The following AGBL1 variants were observed in gnomAD, a reference collection of about 807,000 sequenced individuals.
The protein encoded by AGBL1 is AGBL carboxypeptidase 1.
Under a neutral mutation model 118.9 loss-of-function variants are expected in AGBL1, and 130 were observed. The ratio of observed to expected loss-of-function variants is 1.09; its 90% CI spans 0.95 to 1.26. AGBL1 has a LOEUF of 1.26. AGBL1 is among the 50% of genes most tolerant of loss of function. The pLI is 0.00. For synonymous variants in AGBL1, 555 were observed against 478.9 expected (o/e 1.16, Z -2.08); for missense variants, 1,584 against 1,298.1 (o/e 1.22, Z -3.38).
chr15:86,415,021 G>A (rs2081671102), intron 18 of AGBL1, among the ~76,000 whole-genome samples: 1 of 152,154 alleles, frequency 6.6e-6, no homozygotes, highest in South Asian at 2.1e-4. Flanking sequence ...AGAGCGTAAG[G>A]GAAGCTGGAT....
At chr15:86,272,650 G>A (rs563187859) in intron 15 of AGBL1, among the ~76,000 whole-genome samples, 10 of 152,204 alleles carry the variant, frequency 6.6e-5, no homozygotes, top group Admixed American at 2.6e-4. Context: ...AGATGGGAAA[G>A]GTCAAGAATC....
At chr15:86,493,793 C>T (rs2082812988) in intron 18 of AGBL1, among the ~76,000 whole-genome samples, 1 of 151,992 alleles carries the variant, frequency 6.6e-6, no homozygotes, top group Admixed American at 6.6e-5. Context: ...TTATGGTCTT[C>T]CACGAAAGAA....
At chr15:86,712,581 A>AG (rs2086577767) in intron 22 of AGBL1, among the ~76,000 whole-genome samples, 1 of 152,180 alleles carries the variant, frequency 6.6e-6, no homozygotes, top group Non-Finnish European at 1.5e-5. Context: ...GAGAAAAAAA[A>AG]TCCGCCTGTA....
chr15:86,421,015 A>C (rs1407603387), intron 18 of AGBL1, among the ~76,000 whole-genome samples: 1 of 152,206 alleles, frequency 6.6e-6, no homozygotes, highest in Admixed American at 6.5e-5. Context: ...GGGAGAATGG[A>C]ACCAAGTTGG....
chr15:86,094,349 A>G (rs753496430), intron 1 of AGBL1, among the ~76,000 whole-genome samples: 4 of 152,138 alleles, frequency 2.6e-5, no homozygotes, highest in Non-Finnish European at 4.4e-5. Context: ...TAAAACATTA[A>G]TATTTACTTG....
At chr15:87,015,039 G>A (rs1340325251) in intron 24 of AGBL1, among the ~76,000 whole-genome samples, 1 of 152,086 alleles carries the variant, frequency 6.6e-6, no homozygotes, top group Non-Finnish European at 1.5e-5. Context: ...GGGCCCTGAT[G>A]GAACAAACAG....
intron 18 of AGBL1, among the ~76,000 whole-genome samples, chr15:86,416,667 G>A (rs1039978156): frequency 3.3e-5 from 5 of 152,166 alleles, no homozygotes; most frequent in African/African-American, 1.2e-4. Flanking sequence ...GCCACTGAGA[G>A]ACTCAGCCAT....
chr15:86,219,268 A>C (rs761213087), intron 5 of AGBL1, among the ~76,000 whole-genome samples: 1 of 152,204 alleles, frequency 6.6e-6, no homozygotes, highest in Non-Finnish European at 1.5e-5. Context: ...TCCAAGAATG[A>C]CATTCAAGTT....
chr15:86,955,022 A>G (rs1389586213), intron 23 of AGBL1, among the ~76,000 whole-genome samples: 1 of 152,116 alleles, frequency 6.6e-6, no homozygotes, highest in Non-Finnish European at 1.5e-5. Flanking sequence ...CATACAGTAT[A>G]AGAATCCTAC....
intron 5 of AGBL1, among the ~76,000 whole-genome samples, chr15:86,196,393 G>C (rs1171890149): frequency 6.6e-6 from 1 of 152,148 alleles, no homozygotes; most frequent in Non-Finnish European, 1.5e-5. Context: ...TCCTTAAGAA[G>C]AGGAGTGGCC....
At chr15:86,211,016 T>C (rs1399200291) in intron 5 of AGBL1, among the ~76,000 whole-genome samples, 1 of 152,202 alleles carries the variant, frequency 6.6e-6, no homozygotes, top group African/African-American at 2.4e-5. Context: ...GGATGTCCTT[T>C]TGTTGATGTT....
chr15:86,862,551 C>G (rs918232016), intron 22 of AGBL1, among the ~76,000 whole-genome samples: 2 of 152,100 alleles, frequency 1.3e-5, no homozygotes, highest in African/African-American at 4.8e-5. Flanking sequence ...GGAAACCCAC[C>G]TCTACTAATA....
intron 22 of AGBL1, among the ~76,000 whole-genome samples, chr15:86,867,923 T>TGAACCC (rs2079656162): frequency 1.3e-5 from 2 of 152,138 alleles, no homozygotes; most frequent in African/African-American, 2.4e-5. Flanking sequence ...TATTTTATAA[T>TGAACCC]AGGGAATAAA....
intron 1 of AGBL1, among the ~76,000 whole-genome samples, chr15:86,112,459 A>T (rs1320158573): frequency 6.6e-6 from 1 of 152,258 alleles, no homozygotes; most frequent in Non-Finnish European, 1.5e-5. Flanking sequence ...ATTATTATCA[A>T]TGATTGAACA....
chr15:86,612,645 A>T (rs1428729141), intron 21 of AGBL1, among the ~76,000 whole-genome samples: 1 of 152,154 alleles, frequency 6.6e-6, no homozygotes, highest in Non-Finnish European at 1.5e-5. Context: ...TTACACCCAA[A>T]TATATTTCTT....
At chr15:87,010,759 A>G (rs1298992317) in intron 24 of AGBL1, among the ~76,000 whole-genome samples, 3 of 152,196 alleles carry the variant, frequency 2.0e-5, no homozygotes, top group African/African-American at 7.2e-5. Context: ...ATAGCCTATC[A>G]TGGGACTCCT....
rs1041333766 is a variant in AGBL1 at position 86,384,057 on chromosome 15, G to A, written c.2375-13309G>A. Among the ~76,000 whole-genome samples the A allele has an allele frequency of 7.2e-5, 11 of 152,222 alleles. No homozygotes were observed. In the South Asian group the frequency reaches 1.5e-3, roughly 20 times the overall value. On this transcript the variant is annotated intron_variant, in intron 17 of 22. Transcript: ENST00000614907. ...ATGAGTCTTCGTGGAGCATGTCACG[G>A]TCCCCTTCCCATCTCATTTTGGTGA...
At chr15:86,469,237 C>G (rs1336254419) in intron 18 of AGBL1, among the ~76,000 whole-genome samples, 3 of 152,174 alleles carry the variant, frequency 2.0e-5, no homozygotes, top group African/African-American at 7.2e-5. Context: ...TTGTCCATTT[C>G]CTTTTCCAAT....
At chr15:86,525,962 A>G (rs2083256973) in intron 19 of AGBL1, among the ~76,000 whole-genome samples, 1 of 152,150 alleles carries the variant, frequency 6.6e-6, no homozygotes, top group African/African-American at 2.4e-5. Flanking sequence ...TGCAAACTAT[A>G]CATCTGATAA....
Sources: allele counts gnomAD v4.1 joint callset (sites outside exome capture counted in the v4.1 genomes callset), GRCh38; gene constraint gnomAD v4.1.1; transcripts MANE v1.5; gene names NCBI Gene and HGNC (gene_info 2026-07-23, HGNC 2026-07-21).